The following CLCN5 variants were observed in gnomAD, a reference collection of about 807,000 sequenced individuals.
CLCN5 encodes H(+)/Cl(-) exchange transporter 5.
Under a neutral mutation model 54.0 loss-of-function variants are expected in CLCN5, and 17 were observed. The ratio of observed to expected loss-of-function variants is 0.31; its 90% CI spans 0.22 to 0.47. CLCN5 has a LOEUF of 0.47. Among genes scored for constraint, CLCN5 ranks in the 20% least tolerant of loss-of-function variants. CLCN5 has a pLI of 1.00. For missense variants in CLCN5, 448 were observed against 646.7 expected (o/e 0.69, Z 3.33); for synonymous variants, 222 against 233.0 (o/e 0.95, Z 0.43).
intron 3 of CLCN5, among the ~76,000 whole-genome samples, chrX:49,947,738 C>T (rs1456766768): frequency 9.9e-5 from 11 of 111,203 alleles, no homozygotes; most frequent in Admixed American, 9.6e-4. Context: ...CATTCGCTGT[C>T]GTCCATAAAC....
In CLCN5 at chrX:50,050,749, C is replaced by T. The variant is rs1365336499; in HGVS notation, c.163+8287C>T. Among the ~76,000 whole-genome samples, 7 of 103,385 alleles carry T rather than the reference C, an allele frequency of 6.8e-5. No individual in the cohort carries two copies. The East Asian group carries it at 9.1e-4, about 14-fold the overall frequency. The allele number at this position is 103,385 out of a possible 115,157, so 89.8% of individuals were successfully genotyped here. A position where few individuals can be genotyped will look rare whatever the true frequency, so the allele number is the denominator to read the frequency against. On this transcript the variant is annotated intron_variant, in intron 4 of 14. Coordinates refer to ENST00000376091, the MANE Select transcript of CLCN5 (RefSeq NM_001127898.4). ...ATCTCGCTTGGCTCACTGCAAGCTC[C>T]GCCTCCTGGGTTCACGCCATTCTCC...
At chrX:50,069,824 A>G in intron 4 of CLCN5, 55 bp from the exon 5 acceptor site, 1 of 1,138,592 alleles carries the variant, frequency 8.8e-7, no homozygotes, top group African/African-American at 1.8e-5. Context: ...AAAAGAATGT[A>G]TTAAAAATGT....
chrX:49,959,945 G>T (rs782288782), intron 3 of CLCN5, among the ~76,000 whole-genome samples: 7 of 111,515 alleles, frequency 6.3e-5, no homozygotes, highest in Non-Finnish European at 9.4e-5. Flanking sequence ...ATCTGGAACT[G>T]TTCTACTTCT....
chrX:50,062,184 A>G, intron 4 of CLCN5, among the ~76,000 whole-genome samples: 1 of 93,292 alleles, frequency 1.1e-5, no homozygotes, highest in East Asian at 3.4e-4. Flanking sequence ...AAATGGACTA[A>G]ATTCTCCAAT....
At chrX:50,091,748 C>T (rs1410739149) in intron 14 of CLCN5, among the ~76,000 whole-genome samples, 2 of 112,086 alleles carry the variant, frequency 1.8e-5, no homozygotes, top group Non-Finnish European at 1.9e-5. Context: ...ACTGAGGAGG[C>T]CTGCAAAGAA....
At chrX:50,018,433 C>A (rs179833) in intron 3 of CLCN5, among the ~76,000 whole-genome samples, 48,544 of 111,119 alleles carry the variant, frequency 0.44, 8,525 homozygotes, top group East Asian at 0.94. Context: ...CTTTCTCCCA[C>A]TCTGTGTATC....
chrX:50,065,471 C>T (rs1302490774), intron 4 of CLCN5, among the ~76,000 whole-genome samples: 1 of 93,589 alleles, frequency 1.1e-5, no homozygotes, highest in Non-Finnish European at 2.1e-5. Context: ...GATATCATCT[C>T]ACACCAGTTA....
At chrX:49,953,010 C>A (rs1457791050) in intron 3 of CLCN5, among the ~76,000 whole-genome samples, 1 of 105,113 alleles carries the variant, frequency 9.5e-6, no homozygotes, top group Non-Finnish European at 2.0e-5. Flanking sequence ...CTCAGCCTCC[C>A]GAGTAGCTGG....
rs375399850 is a variant in CLCN5, at chrX:50,090,223, G to A, written c.1852G>A (p.Val618Met). The change falls in exon 13 of 15, where the codon GTG becomes ATG. Residue 618 changes from valine to methionine, a missense_variant. Around this residue, in one of 5 missense-constraint regions of CLCN5, gnomAD observed 297 missense variants for 470.4 expected, o/e 0.63. Transcript: ENST00000376091. ...GGCTGCAGCCATGACAAGCAAGTGG[G>A]TGGCAGATGCTCTTGGGCGGGAGGG... ...LMAAAMTSKW[V>M]ADALGREGIY... The A allele has an allele frequency of 2.0e-5, 24 of 1,209,870 alleles. No homozygotes were observed. The highest frequency in any genetic ancestry group is 2.7e-5 in the Non-Finnish European group (24 of 894,960).
intron 4 of CLCN5, among the ~76,000 whole-genome samples, chrX:50,058,861 C>G (rs1483519306): frequency 9.0e-6 from 1 of 110,691 alleles, no homozygotes; most frequent in Admixed American, 9.6e-5. Context: ...AAAATCTAGA[C>G]TCACCTAAGT....
chrX:50,037,069 A>C (rs1481715785), intron 3 of CLCN5, among the ~76,000 whole-genome samples: 1 of 111,734 alleles, frequency 8.9e-6, no homozygotes, highest in African/African-American at 3.3e-5. Context: ...AGGAAAGATG[A>C]TTTGTCTTGT....
intron 4 of CLCN5, among the ~76,000 whole-genome samples, chrX:50,062,594 A>G (rs1377346762): frequency 1.3e-5 from 1 of 78,822 alleles, no homozygotes. Flanking sequence ...CATTAGACAG[A>G]TCAACGAGAC....
At chrX:50,049,505 A>G (rs1288241091) in intron 4 of CLCN5, among the ~76,000 whole-genome samples, 2 of 112,031 alleles carry the variant, frequency 1.8e-5, no homozygotes, top group Non-Finnish European at 3.8e-5. Context: ...GTTAACCCAT[A>G]CCCTCCATAA....
At chrX:50,003,117 A>T in intron 3 of CLCN5, 1 of 377,172 alleles carries the variant, frequency 2.7e-6, no homozygotes, top group Non-Finnish European at 5.3e-6. Flanking sequence ...TGGGATACGC[A>T]TGCACACAGT....
At chrX:49,997,747 C>A (rs1441336462) in intron 3 of CLCN5, among the ~76,000 whole-genome samples, 1 of 108,702 alleles carries the variant, frequency 9.2e-6, no homozygotes, top group Non-Finnish European at 1.9e-5. Flanking sequence ...GGCTCAAACT[C>A]CTGGCTCAAG....
At chrX:49,923,151 G>A (rs1386620172) in intron 1 of CLCN5, among the ~76,000 whole-genome samples, 1 of 113,433 alleles carries the variant, frequency 8.8e-6, no homozygotes, top group East Asian at 2.8e-4. Flanking sequence ...CTGGGGTAGG[G>A]TGACTTAGGC....
chrX:49,998,991 C>T (rs1362837355), intron 3 of CLCN5, among the ~76,000 whole-genome samples: 1 of 109,363 alleles, frequency 9.1e-6, no homozygotes, highest in Non-Finnish European at 1.9e-5. Flanking sequence ...TCTAGTGCCA[C>T]CCCCCCGCCA....
At chrX:49,958,454 T>C (rs1428445922) in intron 3 of CLCN5, among the ~76,000 whole-genome samples, 1 of 111,901 alleles carries the variant, frequency 8.9e-6, no homozygotes, top group Non-Finnish European at 1.9e-5. Context: ...TTCGTTCCAT[T>C]ACCTCAGTCT....
chrX:50,048,063 A>G (rs782803428), intron 4 of CLCN5, among the ~76,000 whole-genome samples: 23 of 112,405 alleles, frequency 2.0e-4, no homozygotes, highest in African/African-American at 7.4e-4. Context: ...GACCAGTTTC[A>G]TGGAAGACAA....
Sources: gnomAD v4.1 joint callset for allele counts (sites outside exome capture counted in the v4.1 genomes callset) on GRCh38, gnomAD v4.1.1 for gene constraint, gnomAD v4.1.1 regional missense constraint, MANE v1.5 for transcripts, NCBI Gene and HGNC (gene_info 2026-07-23, HGNC 2026-07-21) for gene names.